Variants in EFNA4 observed in about 807,000 individuals in gnomAD.
EFNA4 encodes ephrin-A4.
In EFNA4, 22 loss-of-function variants were observed where a neutral mutation model predicts 23.7. That is an observed-to-expected ratio of 0.93 (90% CI 0.66 to 1.32). The LOEUF (loss-of-function observed/expected upper bound fraction) is 1.32. Among genes scored for constraint, EFNA4 ranks in the 40% most tolerant of loss-of-function variants. The pLI, the probability that EFNA4 is intolerant of heterozygous loss-of-function variation, is 0.00. For missense variants in EFNA4, 252 were observed against 252.3 expected, an observed-to-expected ratio of 1.00 and a Z score of 0.01; for synonymous variants, 113 against 108.3, an observed-to-expected ratio of 1.04 and a Z score of -0.27.
In EFNA4 at chr1:155,068,427, A is replaced by ATTTTTTTTTTTT. The variant is rs71077978; in HGVS notation, c.470-403_470-392dup. Among the ~76,000 whole-genome samples, 5 of 25,378 alleles carry ATTTTTTTTTTTT rather than the reference A, an allele frequency of 2.0e-4. 2 individuals carry two copies. The highest frequency in any genetic ancestry group is 1.9e-4 in the Non-Finnish European group (3 of 16,140). 16.6% of individuals were successfully genotyped at this position (25,378 alleles called of 152,430 possible). The stretch of plus-strand genomic sequence containing the variant: ...ACTACAGGTGTGTGCCACCCAGCTG[A>ATTTTTTTTTTTT]TTTTTTTTTTTTTTTTTTTTTTTTT... On this transcript the variant is annotated intron_variant, in intron 3 of 3. Transcript: ENST00000368409.
rs774753006 is a variant in EFNA4, at chr1:155,069,044, T to G, written c.*55T>G. ...GAGCCAGAGTCCTCCCAAGATCCCC[T>G]GGAGGAGGAGGGATCCCTGCTGCCT... On this transcript the variant is annotated 3_prime_UTR_variant, in exon 4 of 4. Transcript: ENST00000368409. 14 of 1,612,080 alleles carry G rather than the reference T, an allele frequency of 8.7e-6. No individual in the cohort carries two copies. The highest frequency in any genetic ancestry group is 1.1e-5 in the Non-Finnish European group (13 of 1,179,080).
At chr1:155,064,246 C>A (rs968498470) in intron 1 of EFNA4, among the ~76,000 whole-genome samples, 4 of 152,248 alleles carry the variant, frequency 2.6e-5, no homozygotes, top group African/African-American at 9.6e-5. Context: ...GCTCTCCTGG[C>A]GATCCCCAGC....
chr1:155,066,106 C>T (rs1331918680), intron 1 of EFNA4, among the ~76,000 whole-genome samples: 2 of 151,818 alleles, frequency 1.3e-5, no homozygotes, highest in Non-Finnish European at 2.9e-5. Context: ...TGGCCTCAAG[C>T]GATCCTCCCA....
intron 1 of EFNA4, among the ~76,000 whole-genome samples, chr1:155,064,326 C>A (rs1265599847): frequency 3.9e-5 from 6 of 152,218 alleles, no homozygotes; most frequent in Admixed American, 3.9e-4. Flanking sequence ...TATGAAAGAG[C>A]GTGGGTTACT....
At chr1:155,065,629 G>A (rs1055606801) in intron 1 of EFNA4, among the ~76,000 whole-genome samples, 6 of 151,350 alleles carry the variant, frequency 4.0e-5, no homozygotes, top group Admixed American at 1.3e-4. Context: ...AGGAACTTGC[G>A]GACTCTAAGG....
chr1:155,064,075 A>C (rs1259665632), intron 1 of EFNA4, 139 bp downstream of exon 1: 53 of 218,630 alleles, frequency 2.4e-4, no homozygotes, highest in East Asian at 9.3e-4. Flanking sequence ...CCGGCGGGGG[A>C]GGGGGGAGGG....
In EFNA4 at chr1:155,063,870, T is replaced by G; in HGVS notation, c.47T>G (p.Leu16Arg). ...LLRTVLWAAFLGSPLRGGSSL... is the reference protein window; with the variant it reads ...LLRTVLWAAFRGSPLRGGSSL... ...CGGACTGTCCTCTGGGCCGCGTTCCTCGGCTCCCCTCTGCGCGGGGGCTCC... is the reference window on the plus strand; with the variant it reads ...CGGACTGTCCTCTGGGCCGCGTTCCGCGGCTCCCCTCTGCGCGGGGGCTCC... The change falls in exon 1 of 4, where the codon CTC becomes CGC. Residue 16 changes from leucine to arginine, a missense_variant. Physicochemically the swap from Leu to Arg is moderately radical, Grantham distance 102. Coordinates refer to ENST00000368409, the MANE Select transcript of EFNA4 (RefSeq NM_005227.3). The surrounding 1 kb of genome is among the most constrained non-coding windows in gnomAD (Gnocchi z 4.1). 6.4e-7 allele frequency: 1 copy of G among 1,559,568 alleles called. No individual in the cohort carries two copies. The highest frequency in any genetic ancestry group is 2.5e-5 in the East Asian group (1 of 40,626).
chr1:155,068,427 A>AT (rs71077978), intron 3 of EFNA4, among the ~76,000 whole-genome samples: 2,912 of 25,226 alleles, frequency 0.12, 1,132 homozygotes, highest in Middle Eastern at 0.25. Context: ...CACCCAGCTG[A>AT]TTTTTTTTTT....
At position 155,069,213 on chromosome 1, in the gene EFNA4, G is replaced by T; in HGVS notation, c.*224G>T. ...CAGCCCTGGACACTCTGAAGCAGAG[G>T]CAAGACAAACACAGGCGCTTTGCAG... On this transcript the variant is annotated 3_prime_UTR_variant, in exon 4 of 4. Coordinates refer to ENST00000368409, the MANE Select transcript of EFNA4 (RefSeq NM_005227.3). The T allele has an allele frequency of 6.4e-7, 1 of 1,560,976 alleles. No homozygotes were observed. Among genetic ancestry groups the T allele is most frequent in the Non-Finnish European group, 8.6e-7 (1 of 1,163,202 alleles).
chr1:155,065,671 G>A (rs1470393308), intron 1 of EFNA4, among the ~76,000 whole-genome samples: 2 of 151,322 alleles, frequency 1.3e-5, no homozygotes, highest in African/African-American at 4.9e-5. Flanking sequence ...AAGTAGCTGG[G>A]ACTACAGGAG....
At chr1:155,065,786 G>A (rs1431361038) in intron 1 of EFNA4, among the ~76,000 whole-genome samples, 1 of 151,030 alleles carries the variant, frequency 6.6e-6, no homozygotes, top group Non-Finnish European at 1.5e-5. Context: ...AGGCTGGAGT[G>A]CAGTGGCGCA....
chr1:155,068,029 T>C (rs1341305781), intron 3 of EFNA4, among the ~76,000 whole-genome samples: 1 of 152,174 alleles, frequency 6.6e-6, no homozygotes. Flanking sequence ...CAAGCGATTC[T>C]CCTGCCTTAG....
chr1:155,067,408 G>A lies in EFNA4; in HGVS notation c.437G>A (p.Arg146Lys), dbSNP rs746332488. ...CCAGAGAGTTCTGGCCAGTGCTTGA[G>A]GCTCCAGGTGTCTGTCTGCTGCAAG... Reference protein sequence around the residue: ...PTPESSGQCLRLQVSVCCKER... With the variant: ...PTPESSGQCLKLQVSVCCKER... Residue 146 changes from arginine (R) to lysine (K), a missense_variant, in exon 3 of 4, where the codon AGG (arginine) becomes AAG (lysine). Physicochemically the swap from Arg to Lys is conservative, Grantham distance 26. Transcript: ENST00000368409. The A allele has an allele frequency of 1.2e-6, 2 of 1,614,184 alleles. No individual in the cohort carries two copies. The highest frequency in any genetic ancestry group is 1.7e-6 in the Non-Finnish European group (2 of 1,180,032).
chr1:155,065,526 C>CTTTT (rs71586050), intron 1 of EFNA4, among the ~76,000 whole-genome samples: 1 of 131,592 alleles, frequency 7.6e-6, no homozygotes, highest in South Asian at 2.4e-4. Flanking sequence ...CTCCCTCATT[C>CTTTT]TTTTTTTTTT....
Position 155,063,893 on chromosome 1 carries a change from T to C in EFNA4, c.70T>C (p.Ser24Pro), listed in dbSNP as rs746026404. Residue 24 changes from serine (S) to proline (P), a missense_variant, in exon 1 of 4, where the codon TCC becomes CCC. Coordinates refer to ENST00000368409, the MANE Select transcript of EFNA4 (RefSeq NM_005227.3). This position sits in a 1 kb window ranked among gnomAD's most constrained non-coding sequence, Gnocchi z 4.1. ...CCTCGGCTCCCCTCTGCGCGGGGGC[T>C]CCAGCCTCCGCCACGTAGTCTACTG... ...AFLGSPLRGG[S>P]SLRHVVYWNS... The C allele has an allele frequency of 1.3e-6, 2 of 1,567,936 alleles. No homozygotes were observed. Among genetic ancestry groups the C allele is most frequent in the African/African-American group, 1.4e-5 (1 of 72,728 alleles).
At chr1:155,066,063 C>G (rs1236544821) in intron 1 of EFNA4, among the ~76,000 whole-genome samples, 1 of 152,062 alleles carries the variant, frequency 6.6e-6, no homozygotes, top group Non-Finnish European at 1.5e-5. Flanking sequence ...TAGAGACAGT[C>G]TCACCATGTT....
chr1:155,067,070 G>A, intron 2 of EFNA4, 54 bp downstream of exon 2: 1 of 1,545,516 alleles, frequency 6.5e-7, no homozygotes, highest in South Asian at 1.3e-5. Context: ...GGGTAGGGAG[G>A]GGGAAGGAGA....
chr1:155,065,565 C>A (rs970709849), intron 1 of EFNA4, among the ~76,000 whole-genome samples: 2 of 146,972 alleles, frequency 1.4e-5, no homozygotes, highest in Non-Finnish European at 1.5e-5. Flanking sequence ...AATTTAGAGA[C>A]AGGGTCTTGC....
In EFNA4 at chr1:155,067,443, A is replaced by G. The variant is rs1327007949; in HGVS notation, c.469+3A>G. 1 of 1,614,070 alleles carries G rather than the reference A, an allele frequency of 6.2e-7. No individual in the cohort carries two copies. The highest frequency in any genetic ancestry group is 8.5e-7 in the Non-Finnish European group (1 of 1,179,990). On this transcript the variant is annotated splice_donor_region_variant and intron_variant, in intron 3 of 3. Coordinates refer to ENST00000368409, the MANE Select transcript of EFNA4 (RefSeq NM_005227.3). ...GTCTGTCTGCTGCAAGGAGAGGAGTAAGTGGGTTGGGAGCATGGACCCTAC... is the reference window on the plus strand; with the variant it reads ...GTCTGTCTGCTGCAAGGAGAGGAGTGAGTGGGTTGGGAGCATGGACCCTAC...
Sources: allele counts gnomAD v4.1 joint callset (sites outside exome capture counted in the v4.1 genomes callset), GRCh38; gene constraint gnomAD v4.1.1; non-coding constraint Gnocchi (gnomAD v3.1); transcripts MANE v1.5; gene names NCBI Gene and HGNC (gene_info 2026-07-23, HGNC 2026-07-21).